Variants in SSH2 observed in about 807,000 individuals in gnomAD.
The protein encoded by SSH2 is slingshot protein phosphatase 2.
Under a neutral mutation model 135.2 loss-of-function variants are expected in SSH2, and 37 were observed. That is an observed-to-expected ratio of 0.27 (90% confidence interval 0.21 to 0.36). SSH2 has a LOEUF of 0.36. Among genes scored for constraint, SSH2 ranks in the 10% least tolerant of loss-of-function variants. The pLI is 1.00. For synonymous variants in SSH2, 628 were observed against 646.2 expected (o/e 0.97, Z 0.43); for missense variants, 1,408 against 1,765.3 (o/e 0.80, Z 3.63).
At chr17:29,817,939 A>G (rs567982714) in intron 2 of SSH2, among the ~76,000 whole-genome samples, 21 of 151,450 alleles carry the variant, frequency 1.4e-4, no homozygotes, top group Admixed American at 4.0e-4. Flanking sequence ...TATTATTATT[A>G]TTATTATTTT....
chr17:29,871,109 C>A (rs1460078096), intron 1 of SSH2, among the ~76,000 whole-genome samples: 2 of 152,030 alleles, frequency 1.3e-5, no homozygotes, highest in Non-Finnish European at 2.9e-5. Context: ...GAATGAAACT[C>A]TGGCTAACAG....
intron 1 of SSH2, among the ~76,000 whole-genome samples, chr17:29,903,694 C>T (rs1019994238): frequency 1.3e-5 from 2 of 152,010 alleles, no homozygotes; most frequent in Admixed American, 1.3e-4. Context: ...CTCTTTTTCC[C>T]CTAGGGGCTG....
chr17:29,690,243 A>G (rs1026707896), intron 5 of SSH2, among the ~76,000 whole-genome samples: 1 of 151,838 alleles, frequency 6.6e-6, no homozygotes, highest in South Asian at 2.1e-4. Context: ...GTCTCTCCTA[A>G]AAATACAAAA....
At chr17:29,878,225 C>A (rs930955740) in intron 1 of SSH2, among the ~76,000 whole-genome samples, 1 of 151,958 alleles carries the variant, frequency 6.6e-6, no homozygotes, top group Non-Finnish European at 1.5e-5. Flanking sequence ...TTCAGGAGTT[C>A]GAGACTAGCC....
At chr17:29,654,361 C>G (rs1006544590) in intron 12 of SSH2, among the ~76,000 whole-genome samples, 5 of 152,012 alleles carry the variant, frequency 3.3e-5, no homozygotes, top group Non-Finnish European at 7.4e-5. Context: ...CCCCACCCCC[C>G]GGAATTCTTT....
chr17:29,702,807 G>A, intron 4 of SSH2, 152 bp downstream of exon 4: 1 of 608,812 alleles, frequency 1.6e-6, no homozygotes, highest in Non-Finnish European at 2.9e-6. Context: ...AAAAAAATTG[G>A]TCTGTGAGGG....
At position 29,650,563 on chromosome 17, in the gene SSH2, T is replaced by A. The variant is rs1372559089; in HGVS notation, c.1226+91A>T. 3.2e-6 allele frequency: 4 copies of A among 1,234,420 alleles called. No homozygotes were observed. The East Asian group carries it at 1.1e-4, about 33-fold the overall frequency. The allele number at this position is 1,234,420 out of a possible 1,614,324, so 76.5% of individuals were successfully genotyped here. A position where few individuals can be genotyped will look rare whatever the true frequency, so the allele number is the denominator to read the frequency against. ...CTTAGTTCCTTTTTCCTGAGTACCA[T>A]CAGTAAGTTGTCTATAGCCCTCAGG... On this transcript the variant is annotated intron_variant, in intron 13 of 15. Coordinates refer to ENST00000540801, the MANE Select transcript of SSH2 (RefSeq NM_001282129.2).
intron 1 of SSH2, among the ~76,000 whole-genome samples, chr17:29,897,150 A>G (rs1291645899): frequency 6.6e-6 from 1 of 152,064 alleles, no homozygotes; most frequent in East Asian, 1.9e-4. Flanking sequence ...ATGGAAAGGA[A>G]CAACCGGTAC....
At position 29,794,642 on chromosome 17, in the gene SSH2, T is replaced by C. The variant is rs142726482; in HGVS notation, c.145-705A>G. 1.3e-4 allele frequency among the ~76,000 whole-genome samples: 20 copies of C among 152,300 alleles called. No individual in the cohort carries two copies. In the East Asian group the frequency reaches 2.5e-3, roughly 19 times the overall value. On this transcript the variant is annotated intron_variant, in intron 2 of 15. Coordinates refer to ENST00000540801, the MANE Select transcript of SSH2 (RefSeq NM_001282129.2). ...GCACTGAATCATAGTTCAATTACAA[T>C]ATTTATTTCTTCTTAGTGTGGCACA...
intron 3 of SSH2, among the ~76,000 whole-genome samples, chr17:29,749,536 T>C (rs971977530): frequency 1.3e-5 from 2 of 152,122 alleles, no homozygotes; most frequent in Non-Finnish European, 2.9e-5. Flanking sequence ...AAATGTGGTA[T>C]AGAAGATAAA....
rs1369903348 is a variant in SSH2, at chr17:29,785,798, C to T, written c.188+8096G>A. Among the ~76,000 whole-genome samples, 31 of 133,436 alleles carry T rather than the reference C, an allele frequency of 2.3e-4. 1 individual carries two copies. The highest frequency in any genetic ancestry group is 8.6e-4 in the African/African-American group (30 of 34,752). The allele number at this position is 133,436 out of a possible 152,430, so 87.5% of individuals were successfully genotyped here. On this transcript the variant is annotated intron_variant, in intron 3 of 15. Coordinates refer to ENST00000540801, the MANE Select transcript of SSH2 (RefSeq NM_001282129.2). ...GCAGGCGCGAGTCACCGCGCCCAGT[C>T]CGTTTACTTTTTTTTTTTTTTTTTT...
intron 1 of SSH2, among the ~76,000 whole-genome samples, chr17:29,913,349 T>A (rs9914716): frequency 0.12 from 1,921 of 16,344 alleles, 167 homozygotes; most frequent in Middle Eastern, 0.17. Flanking sequence ...AAAAAAAAAA[T>A]ATATATATAT....
chr17:29,921,897 ACCCAGT>A, intron 1 of SSH2, among the ~76,000 whole-genome samples: 1 of 152,168 alleles, frequency 6.6e-6, no homozygotes, highest in Non-Finnish European at 1.5e-5. Flanking sequence ...TATGTAAATG[ACCCAGT>A]CCCTGACTTA....
In SSH2 at chr17:29,761,361, G is replaced by A. The variant is rs910585672; in HGVS notation, c.188+32533C>T. 2.7e-5 allele frequency: 29 copies of A among 1,073,718 alleles called. No individual in the cohort carries two copies. In the Admixed American group the frequency reaches 1.5e-3, roughly 54 times the overall value. The allele number at this position is 1,073,718 out of a possible 1,614,324, so 66.5% of individuals were successfully genotyped here. A position where few individuals can be genotyped will look rare whatever the true frequency, so the allele number is the denominator to read the frequency against. ...GCGCAGGCTGCGCGTGCACCCGGCGGCGGAGGCGGGCCCGCCGGGTCGCGC... is the reference window on the plus strand; with the variant it reads ...GCGCAGGCTGCGCGTGCACCCGGCGACGGAGGCGGGCCCGCCGGGTCGCGC... On this transcript the variant is annotated intron_variant, in intron 3 of 15. Coordinates refer to ENST00000540801, the MANE Select transcript of SSH2 (RefSeq NM_001282129.2).
At chr17:29,921,999 C>T (rs1432943878) in intron 1 of SSH2, among the ~76,000 whole-genome samples, 1 of 152,024 alleles carries the variant, frequency 6.6e-6, no homozygotes, top group East Asian at 1.9e-4. Context: ...CTATGCTGTG[C>T]GTAGAAGGAG....
At chr17:29,725,819 G>A (rs558105316) in intron 3 of SSH2, among the ~76,000 whole-genome samples, 1 of 152,256 alleles carries the variant, frequency 6.6e-6, no homozygotes, top group Admixed American at 6.5e-5. Flanking sequence ...AAACCTAGAT[G>A]ATGGGTTGAT....
chr17:29,709,015 T>TAGAG lies in SSH2; in HGVS notation c.189-5957_189-5954dup, dbSNP rs58190730. 2.4e-3 allele frequency among the ~76,000 whole-genome samples: 197 copies of TAGAG among 81,576 alleles called. 1 individual carries two copies. Among genetic ancestry groups the TAGAG allele is most frequent in the African/African-American group, 5.0e-3 (123 of 24,412 alleles). The allele number at this position is 81,576 out of a possible 152,430, so 53.5% of individuals were successfully genotyped here. On this transcript the variant is annotated intron_variant, in intron 3 of 15. Transcript: ENST00000540801. ...AGAAATATATATATATATATATATA[T>TAGAG]AGAGAGAGAGAGAGAGAGAGAGAGA... is the stretch of plus-strand genomic sequence containing the variant.
chr17:29,669,394 A>T (rs1203102222), intron 9 of SSH2, among the ~76,000 whole-genome samples: 8 of 152,164 alleles, frequency 5.3e-5, no homozygotes, highest in African/African-American at 1.7e-4. Flanking sequence ...CTTTCCTTAG[A>T]TTTCAAAATA....
chr17:29,706,243 C>CT (rs1393549730), intron 3 of SSH2, among the ~76,000 whole-genome samples: 1 of 152,172 alleles, frequency 6.6e-6, no homozygotes, highest in East Asian at 1.9e-4. Context: ...TAAATCACCT[C>CT]TATAATGTTA....
Sources: allele counts gnomAD v4.1 joint callset (sites outside exome capture counted in the v4.1 genomes callset), GRCh38; gene constraint gnomAD v4.1.1; transcripts MANE v1.5; gene names NCBI Gene and HGNC (gene_info 2026-07-23, HGNC 2026-07-21).